ELMO1: variants seen among roughly 807,000 people sequenced by gnomAD.
ELMO1 encodes the protein engulfment and cell motility 1.
ELMO1 carries 26 observed loss-of-function variants against 98.9 expected under a neutral mutation model. That is an observed-to-expected ratio of 0.26 (90% CI 0.19 to 0.36). The LOEUF (loss-of-function observed/expected upper bound fraction) is 0.36, where lower values mean the gene tolerates loss of function less well. Ranked by LOEUF, ELMO1 falls within the 10% of genes least tolerant of loss-of-function variation. ELMO1 has a pLI of 1.00. For synonymous variants in ELMO1, 346 were observed against 346.0 expected (o/e 1.00, Z 0.00); for missense variants, 627 against 935.2 (o/e 0.67, Z 4.30).
chr7:37,174,674 G>A (rs962829594), intron 13 of ELMO1, among the ~76,000 whole-genome samples: 1 of 152,154 alleles, frequency 6.6e-6, no homozygotes, highest in Non-Finnish European at 1.5e-5. Flanking sequence ...ACAAACTCCA[G>A]GCACCAGTAC....
At chr7:37,067,097 T>A (rs2129220663) in intron 15 of ELMO1, among the ~76,000 whole-genome samples, 1 of 152,348 alleles carries the variant, frequency 6.6e-6, no homozygotes, top group African/African-American at 2.4e-5. Flanking sequence ...TTAAAGAAGA[T>A]CTCATAAAAA....
At chr7:37,251,704 C>T (rs199826221) in intron 6 of ELMO1, among the ~76,000 whole-genome samples, 1 of 152,110 alleles carries the variant, frequency 6.6e-6, no homozygotes, top group Admixed American at 6.5e-5. Context: ...CACTCCTATT[C>T]AACATAGTAT....
At chr7:37,009,808 CTGAATT>C (rs1562894122) in intron 16 of ELMO1, among the ~76,000 whole-genome samples, 1 of 152,180 alleles carries the variant, frequency 6.6e-6, no homozygotes, top group Non-Finnish European at 1.5e-5. Flanking sequence ...AAAGACATTT[CTGAATT>C]TGAATTTGGA....
intron 1 of ELMO1, among the ~76,000 whole-genome samples, chr7:37,429,926 G>A (rs1804862747): frequency 6.6e-6 from 1 of 152,244 alleles, no homozygotes; most frequent in African/African-American, 2.4e-5. Flanking sequence ...TCCAGAATCA[G>A]AATTTCTAGT....
chr7:37,159,236 G>A (rs769168390), intron 13 of ELMO1, among the ~76,000 whole-genome samples: 3 of 152,084 alleles, frequency 2.0e-5, no homozygotes, highest in Non-Finnish European at 4.4e-5. Context: ...AACAAACATG[G>A]TACATGTATA....
intron 15 of ELMO1, among the ~76,000 whole-genome samples, chr7:37,041,501 A>AT (rs920107000): frequency 5.9e-5 from 9 of 152,134 alleles, no homozygotes; most frequent in African/African-American, 1.9e-4. Flanking sequence ...GTGTTTTTGT[A>AT]TTTTTTTTCA....
intron 16 of ELMO1, among the ~76,000 whole-genome samples, chr7:36,983,472 C>G (rs1018588694): frequency 1.3e-5 from 2 of 152,340 alleles, no homozygotes; most frequent in East Asian, 3.9e-4. Flanking sequence ...TATACTCACT[C>G]TCCTTCCACA....
intron 13 of ELMO1, among the ~76,000 whole-genome samples, chr7:37,169,271 C>T (rs1449482736): frequency 6.6e-6 from 1 of 152,352 alleles, no homozygotes; most frequent in South Asian, 2.1e-4. Context: ...GGAAAGGGAA[C>T]TCCCTGACCC....
intron 16 of ELMO1, among the ~76,000 whole-genome samples, chr7:36,943,850 C>T (rs1211265511): frequency 6.6e-6 from 1 of 152,184 alleles, no homozygotes; most frequent in African/African-American, 2.4e-5. Flanking sequence ...TCCTGGCTTT[C>T]CATGAAAGTC....
chr7:37,092,366 CTTTTTTTTTTTTTTTT>C (rs537388417), intron 15 of ELMO1, among the ~76,000 whole-genome samples: 10 of 68,892 alleles, frequency 1.5e-4, no homozygotes, highest in Admixed American at 1.1e-3. Flanking sequence ...TACCCATATT[CTTTTTTTTTTTTTTTT>C]TTTTTTTTTT....
chr7:37,359,733 C>T (rs558323308), intron 1 of ELMO1, among the ~76,000 whole-genome samples: 5 of 152,238 alleles, frequency 3.3e-5, no homozygotes, highest in African/African-American at 9.6e-5. Context: ...TGCCCGGCAC[C>T]GAGTAAGAGC....
intron 15 of ELMO1, among the ~76,000 whole-genome samples, chr7:37,052,879 A>AG (rs1796184658): frequency 6.6e-6 from 1 of 152,160 alleles, no homozygotes; most frequent in Admixed American, 6.5e-5. Context: ...CCAACCCCCC[A>AG]GGTCGTGTTT....
intron 1 of ELMO1, among the ~76,000 whole-genome samples, chr7:37,400,151 T>G (rs1803462902): frequency 6.6e-6 from 1 of 152,188 alleles, no homozygotes; most frequent in Non-Finnish European, 1.5e-5. Context: ...ACATTGTAAA[T>G]GAGATGACAC....
intron 13 of ELMO1, among the ~76,000 whole-genome samples, chr7:37,176,064 G>A (rs909955085): frequency 6.6e-6 from 1 of 152,182 alleles, no homozygotes; most frequent in Non-Finnish European, 1.5e-5. Flanking sequence ...ATCGTGGCTG[G>A]TTCTACAACA....
intron 6 of ELMO1, among the ~76,000 whole-genome samples, chr7:37,246,779 G>C (rs1795027139): frequency 6.6e-6 from 1 of 151,940 alleles, no homozygotes; most frequent in African/African-American, 2.4e-5. Context: ...GAGACAGATA[G>C]ATAGATAGAT....
intron 16 of ELMO1, among the ~76,000 whole-genome samples, chr7:36,909,799 C>T (rs1784218954): frequency 6.6e-6 from 1 of 152,120 alleles, no homozygotes; most frequent in Non-Finnish European, 1.5e-5. Flanking sequence ...GGATTTAATT[C>T]CAAACCTATG....
intron 13 of ELMO1, among the ~76,000 whole-genome samples, chr7:37,143,568 G>A (rs561792904): frequency 6.6e-6 from 1 of 152,042 alleles, no homozygotes; most frequent in South Asian, 2.1e-4. Flanking sequence ...CACCATGCCT[G>A]TCTAATTTTT....
At chr7:37,344,193 G>A (rs186581559) in intron 1 of ELMO1, among the ~76,000 whole-genome samples, 12 of 151,874 alleles carry the variant, frequency 7.9e-5, no homozygotes, top group African/African-American at 1.7e-4. Flanking sequence ...CACCACATCC[G>A]GCTAACTTTT....
At chr7:36,955,825 A>C (rs1788396253) in intron 16 of ELMO1, among the ~76,000 whole-genome samples, 1 of 152,076 alleles carries the variant, frequency 6.6e-6, no homozygotes, top group African/African-American at 2.4e-5. Context: ...TGGGTGGTAA[A>C]TTCTTGATAT....
Sources: allele counts gnomAD v4.1 joint callset (sites outside exome capture counted in the v4.1 genomes callset), GRCh38; gene constraint gnomAD v4.1.1; transcripts MANE v1.5; gene names NCBI Gene and HGNC (gene_info 2026-07-23, HGNC 2026-07-21).